The following ERBIN variants were observed in gnomAD, a reference collection of about 807,000 sequenced individuals.
ERBIN encodes the protein densin-180-like protein.
In ERBIN, 60 loss-of-function variants were observed where a neutral mutation model predicts 158.4. That is an observed-to-expected ratio of 0.38 (90% CI 0.31 to 0.47). The LOEUF (loss-of-function observed/expected upper bound fraction) is 0.47. ERBIN is among the 20% of genes least tolerant of loss of function. ERBIN has a pLI of 0.99. For missense variants in ERBIN, 1,610 were observed against 1,648.0 expected (o/e 0.98, Z 0.40); for synonymous variants, 594 against 557.2 (o/e 1.07, Z -0.93).
At chr5:66,027,637 C>T (rs1756421914) in intron 13 of ERBIN, among the ~76,000 whole-genome samples, 1 of 151,888 alleles carries the variant, frequency 6.6e-6, no homozygotes, top group Non-Finnish European at 1.5e-5. Context: ...ATTATAAGTA[C>T]TCTAGAAATG....
chr5:66,051,826 C>T (rs1759047265), intron 20 of ERBIN, among the ~76,000 whole-genome samples: 2 of 148,190 alleles, frequency 1.3e-5, no homozygotes, highest in South Asian at 2.1e-4. Context: ...GCCCAGGAGG[C>T]GGAAGTTGCA....
chr5:66,050,842 A>G lies in ERBIN; in HGVS notation c.1963A>G (p.Asn655Asp). 1 of 1,602,296 alleles carries G rather than the reference A, an allele frequency of 6.2e-7. No homozygotes were observed. The highest frequency in any genetic ancestry group is 8.5e-7 in the Non-Finnish European group (1 of 1,175,840). The stretch of plus-strand genomic sequence containing the variant: ...AGTTACACACAATAGCAATCAGAAT[A>G]ACAGCAATTGTTCTTCTCCATCTCG... ...DEVTHNSNQN[N>D]SNCSSPSRMS... The change falls in exon 20 of 26, where the codon AAC (asparagine) becomes GAC (aspartate). Residue 655 changes from asparagine (N) to aspartate (D), a missense_variant. Coordinates refer to ENST00000284037, the MANE Select transcript of ERBIN (RefSeq NM_001253697.2).
chr5:66,057,211 T>C (rs1285041413), intron 21 of ERBIN, among the ~76,000 whole-genome samples: 1 of 152,200 alleles, frequency 6.6e-6, no homozygotes, highest in East Asian at 1.9e-4. Flanking sequence ...ACAAATAACT[T>C]TGACTTTCCT....
At chr5:66,046,733 TTTATGCGAATTAGA>T (rs1758489202) in intron 18 of ERBIN, among the ~76,000 whole-genome samples, 195 bp downstream of exon 18, 1 of 152,188 alleles carries the variant, frequency 6.6e-6, no homozygotes, top group Admixed American at 6.5e-5. Flanking sequence ...TATTCAGATG[TTTATGCGAATTAGA>T]TTATAGATAG....
At chr5:66,030,412 A>C (rs762695626) in intron 14 of ERBIN, among the ~76,000 whole-genome samples, 1 of 152,024 alleles carries the variant, frequency 6.6e-6, no homozygotes, top group African/African-American at 2.4e-5. Flanking sequence ...TTAATTGAAT[A>C]GTATATGTTT....
intron 9 of ERBIN, 62 bp downstream of exon 9, chr5:66,023,426 A>C: frequency 1.0e-6 from 1 of 998,618 alleles, no homozygotes; most frequent in Non-Finnish European, 1.5e-6. Context: ...AGTTTTGTGA[A>C]TTGTACCTTT....
intron 22 of ERBIN, 36 bp from the exon 23 acceptor site, chr5:66,074,988 T>G (rs1561460878): frequency 6.3e-7 from 1 of 1,575,944 alleles, no homozygotes; most frequent in Non-Finnish European, 8.7e-7. Flanking sequence ...AAGACATTAT[T>G]ATTGGTCATT....
intron 1 of ERBIN, among the ~76,000 whole-genome samples, chr5:65,973,147 A>G (rs1431121000): frequency 1.3e-5 from 2 of 151,108 alleles, no homozygotes; most frequent in African/African-American, 4.9e-5. Flanking sequence ...ATTCTCAGCA[A>G]ACTACCCCAA....
intron 1 of ERBIN, among the ~76,000 whole-genome samples, chr5:65,977,080 C>T (rs1419369459): frequency 6.8e-6 from 1 of 147,620 alleles, no homozygotes; most frequent in Non-Finnish European, 1.5e-5. Context: ...TCCTCACTTC[C>T]CAGTAGGGGC....
At chr5:65,972,331 C>T (rs965367068) in intron 1 of ERBIN, among the ~76,000 whole-genome samples, 30 of 151,698 alleles carry the variant, frequency 2.0e-4, no homozygotes, top group Non-Finnish European at 4.1e-4. Context: ...CTGCGGTGTC[C>T]TTACACTCAT....
chr5:65,960,201 A>G (rs1056829483), intron 1 of ERBIN, among the ~76,000 whole-genome samples: 9 of 152,268 alleles, frequency 5.9e-5, no homozygotes, highest in Admixed American at 5.9e-4. Flanking sequence ...ATATGAATGA[A>G]TCTCTGAAAC....
At chr5:65,998,134 T>A (rs1230987502) in intron 4 of ERBIN, among the ~76,000 whole-genome samples, 5 of 151,486 alleles carry the variant, frequency 3.3e-5, no homozygotes, top group African/African-American at 1.2e-4. Context: ...GGCTGAGGCA[T>A]GAGAATCACT....
At chr5:66,039,017 ACT>A (rs1757678684) in intron 15 of ERBIN, among the ~76,000 whole-genome samples, 1 of 147,634 alleles carries the variant, frequency 6.8e-6, no homozygotes, top group Non-Finnish European at 1.5e-5. Flanking sequence ...TATATGTTGT[ACT>A]CTCTGCGTGT....
At chr5:66,070,932 T>G (rs927728346) in intron 21 of ERBIN, among the ~76,000 whole-genome samples, 9 of 152,186 alleles carry the variant, frequency 5.9e-5, no homozygotes, top group African/African-American at 1.9e-4. Flanking sequence ...GTAAACTGTT[T>G]TGAATGTAAC....
rs539121182 is a variant in ERBIN, at chr5:65,974,231, A to G, written c.-57-14404A>G. 1.0e-3 allele frequency among the ~76,000 whole-genome samples: 156 copies of G among 152,300 alleles called. 1 individual carries two copies. The highest frequency in any genetic ancestry group is 3.7e-3 in the African/African-American group (154 of 41,544). ...TAGGTATATTGACAGTGGACTTATT[A>G]TGATGTGGAGCTTTGACATTTGTGG... On this transcript the variant is annotated intron_variant, in intron 1 of 25. Transcript: ENST00000284037.
intron 1 of ERBIN, among the ~76,000 whole-genome samples, chr5:65,975,358 T>C (rs1430262069): frequency 1.3e-5 from 2 of 152,196 alleles, no homozygotes; most frequent in African/African-American, 4.8e-5. Context: ...CAGGCTGTAG[T>C]ACAGTGGCGC....
At chr5:65,972,494 C>T (rs1181489945) in intron 1 of ERBIN, among the ~76,000 whole-genome samples, 3 of 151,372 alleles carry the variant, frequency 2.0e-5, no homozygotes, top group Admixed American at 1.3e-4. Context: ...CTAAGCACCC[C>T]ATAGTTTCTA....
At chr5:66,070,297 C>A (rs1168271106) in intron 21 of ERBIN, among the ~76,000 whole-genome samples, 4 of 152,238 alleles carry the variant, frequency 2.6e-5, no homozygotes, top group Non-Finnish European at 5.9e-5. Context: ...CCCGCCTCAG[C>A]CTCACAAAGT....
intron 1 of ERBIN, among the ~76,000 whole-genome samples, chr5:65,937,396 T>C (rs946419377): frequency 3.3e-5 from 5 of 152,216 alleles, no homozygotes; most frequent in African/African-American, 1.2e-4. Context: ...TGAATAATCG[T>C]TTTACTTCTG....
Sources: allele counts gnomAD v4.1 joint callset (sites outside exome capture counted in the v4.1 genomes callset), GRCh38; gene constraint gnomAD v4.1.1; transcripts MANE v1.5; gene names NCBI Gene and HGNC (gene_info 2026-07-23, HGNC 2026-07-21).